Variants in MCF2 observed in about 807,000 individuals in gnomAD.
MCF2 encodes the protein proto-oncogene DBL.
A neutral mutation model predicts 82.5 loss-of-function variants in MCF2; 44 were observed. The ratio of observed to expected loss-of-function variants is 0.53; its 90% CI spans 0.42 to 0.69. The LOEUF (loss-of-function observed/expected upper bound fraction) is 0.69. Ranked by LOEUF, MCF2 falls within the 30% of genes least tolerant of loss-of-function variation. The probability of loss-of-function intolerance (pLI) is 0.00; values close to 1 mark genes in which losing one functional copy is unlikely to be tolerated. For missense variants in MCF2, 623 were observed against 663.1 expected (o/e 0.94, Z 0.66); for synonymous variants, 217 against 224.9 (o/e 0.96, Z 0.32).
chrX:139,634,131 A>G (rs1260165617), intron 1 of MCF2, among the ~76,000 whole-genome samples: 2 of 111,912 alleles, frequency 1.8e-5, no homozygotes, highest in Non-Finnish European at 3.8e-5. Flanking sequence ...ACAATTAAGA[A>G]GGGAAAGAAG....
At chrX:139,666,029 G>A (rs1294019446) in intron 1 of MCF2, among the ~76,000 whole-genome samples, 2 of 101,642 alleles carry the variant, frequency 2.0e-5, no homozygotes, top group African/African-American at 7.1e-5. Context: ...TTTGATACAG[G>A]CATACAATGT....
At position 139,658,671 on chromosome X, in the gene MCF2, T is replaced by G. The variant is rs1934267011; in HGVS notation, c.-44-6883A>C. 3.2e-5 allele frequency among the ~76,000 whole-genome samples: 3 copies of G among 92,650 alleles called. No individual in the cohort carries two copies. In the South Asian group the frequency reaches 1.7e-3, roughly 54 times the overall value. 80.5% of individuals were successfully genotyped at this position (92,650 alleles called of 115,157 possible). ...GCCTCTGCTAAAAAAAGATGTGTTTTTTTTTTTTTTTTTTTTTTTTTGAGA... is the reference window on the plus strand; with the variant it reads ...GCCTCTGCTAAAAAAAGATGTGTTTGTTTTTTTTTTTTTTTTTTTTTGAGA... On this transcript the variant is annotated intron_variant, in intron 1 of 27. Transcript: ENST00000414978.
chrX:139,638,796 C>T (rs766826188), intron 1 of MCF2, among the ~76,000 whole-genome samples: 4 of 111,881 alleles, frequency 3.6e-5, no homozygotes, highest in Middle Eastern at 4.6e-3. Flanking sequence ...AATATGGACA[C>T]GTCCTTATCT....
intron 1 of MCF2, among the ~76,000 whole-genome samples, chrX:139,634,089 A>C (rs1467693130): frequency 1.8e-5 from 2 of 111,706 alleles, no homozygotes; most frequent in African/African-American, 6.5e-5. Context: ...TCAGCAGGAC[A>C]TCCAGATGAT....
At chrX:139,646,515 T>C (rs1385741554), upstream of MCF2, among the ~76,000 whole-genome samples, 2 of 111,845 alleles carry the variant, frequency 1.8e-5, no homozygotes, top group Non-Finnish European at 3.8e-5. Context: ...AGCATATATG[T>C]ATGACCATCG....
intron 1 of MCF2, among the ~76,000 whole-genome samples, chrX:139,656,187 G>A (rs776788226): frequency 3.6e-5 from 4 of 111,604 alleles, no homozygotes; most frequent in Middle Eastern, 4.6e-3. Context: ...TCAGCCTCCC[G>A]AGTAGCTGGG....
At chrX:139,605,212 T>A (rs1348773844) in intron 13 of MCF2, among the ~76,000 whole-genome samples, 1 of 107,620 alleles carries the variant, frequency 9.3e-6, no homozygotes, top group Admixed American at 1.0e-4. Context: ...AGTTTTCCAA[T>A]CAAATAGGCA....
Position 139,626,317 on chromosome X carries a change from G to T in MCF2, c.573-10C>A. ...TACTTGAGTCAGCAACCTTAAGAAA[G>T]AAAACTCCAATAAATTCCTAAAAGC... On this transcript the variant is annotated splice_polypyrimidine_tract_variant and intron_variant, in intron 5 of 24. Transcript: ENST00000370576. The T allele has an allele frequency of 9.8e-7, 1 of 1,024,299 alleles. No individual in the cohort carries two copies. The highest frequency in any genetic ancestry group is 1.4e-6 in the Non-Finnish European group (1 of 736,835). 84.4% of individuals were successfully genotyped at this position (1,024,299 alleles called of 1,213,427 possible). A position where few individuals can be genotyped will look rare whatever the true frequency, so the allele number is the denominator to read the frequency against.
chrX:139,645,396 G>A (rs1445748547), upstream of MCF2, among the ~76,000 whole-genome samples: 1 of 110,675 alleles, frequency 9.0e-6, no homozygotes, highest in African/African-American at 3.3e-5. Context: ...TTTTATTTTG[G>A]GTAGAGTTAT....
At chrX:139,682,934 T>G (rs1935035068) in intron 1 of MCF2, among the ~76,000 whole-genome samples, 1 of 111,675 alleles carries the variant, frequency 9.0e-6, no homozygotes. Flanking sequence ...TTGCAAACTT[T>G]CTCCTTTTTT....
intron 1 of MCF2, among the ~76,000 whole-genome samples, chrX:139,633,234 T>C (rs1933013379): frequency 3.6e-5 from 4 of 111,480 alleles, no homozygotes; most frequent in African/African-American, 1.3e-4. Flanking sequence ...TGGCACATAG[T>C]ATGCAGTCAA....
intron 1 of MCF2, among the ~76,000 whole-genome samples, chrX:139,639,583 G>A (rs1313159705): frequency 9.0e-6 from 1 of 111,121 alleles, no homozygotes; most frequent in East Asian, 2.8e-4. Flanking sequence ...TTACTCACAC[G>A]TACTTCCAGA....
chrX:139,625,185 G>A (rs886777563), intron 6 of MCF2, among the ~76,000 whole-genome samples: 6 of 111,077 alleles, frequency 5.4e-5, no homozygotes, highest in African/African-American at 2.0e-4. Context: ...TTAAAGACAG[G>A]AATTAATGAC....
upstream of MCF2, among the ~76,000 whole-genome samples, chrX:139,643,952 A>G (rs1303935363): frequency 1.8e-5 from 2 of 111,895 alleles, no homozygotes; most frequent in African/African-American, 6.5e-5. Context: ...GTGATAAAAA[A>G]TGTTCTAATG....
intron 1 of MCF2, among the ~76,000 whole-genome samples, chrX:139,639,946 A>C (rs1485100703): frequency 7.3e-5 from 5 of 68,740 alleles, no homozygotes; most frequent in African/African-American, 1.9e-4. Context: ...CTTCTTATAT[A>C]TATATTATCT....
At chrX:139,652,121 T>C (rs765610638) in intron 1 of MCF2, among the ~76,000 whole-genome samples, 3 of 112,169 alleles carry the variant, frequency 2.7e-5, no homozygotes, top group Non-Finnish European at 5.6e-5. Context: ...GGAGACACTG[T>C]AGCAGATTGT....
chrX:139,688,653 A>T (rs766575347), intron 1 of MCF2, among the ~76,000 whole-genome samples: 1 of 112,155 alleles, frequency 8.9e-6, no homozygotes, highest in African/African-American at 3.2e-5. Flanking sequence ...TCCTGTGATG[A>T]ATACAAGACG....
chrX:139,631,429 T>A (rs755999086), exon 3 of MCF2: 25 of 1,205,407 alleles, frequency 2.1e-5, no homozygotes, highest in Non-Finnish European at 2.8e-5. Context: ...GTGGCAGTAC[T>A]GCAAGGTGCC....
intron 1 of MCF2, among the ~76,000 whole-genome samples, chrX:139,673,152 G>A (rs751866508): frequency 1.3e-4 from 14 of 111,434 alleles, no homozygotes; most frequent in South Asian, 3.8e-4. Flanking sequence ...CTGTGGGATC[G>A]GTGGTGATAT....
Sources: gnomAD v4.1 joint callset for allele counts (sites outside exome capture counted in the v4.1 genomes callset) on GRCh38, gnomAD v4.1.1 for gene constraint, MANE v1.5 for transcripts, NCBI Gene and HGNC (gene_info 2026-07-23, HGNC 2026-07-21) for gene names.